The following ODR4 variants were observed in gnomAD, a reference collection of about 807,000 sequenced individuals.
ODR4 encodes the protein odr-4 GPCR localization factor homolog.
ODR4 carries 47 observed loss-of-function variants against 60.2 expected under a neutral mutation model. The ratio of observed to expected loss-of-function variants is 0.78; its 90% CI spans 0.62 to 1.00. The LOEUF (loss-of-function observed/expected upper bound fraction) is 1.00, where lower values mean the gene tolerates loss of function less well. Ranked by LOEUF, ODR4 falls within the 50% of genes least tolerant of loss-of-function variation. The pLI, the probability that ODR4 is intolerant of heterozygous loss-of-function variation, is 0.00. For missense variants in ODR4, 488 were observed against 530.8 expected, an observed-to-expected ratio of 0.92 and a Z score of 0.79; for synonymous variants, 178 against 175.5, an observed-to-expected ratio of 1.01 and a Z score of -0.11.
chr1:186,384,904 CTGAT>C (rs1285775449), intron 3 of ODR4, among the ~76,000 whole-genome samples: 1 of 152,046 alleles, frequency 6.6e-6, no homozygotes, highest in Non-Finnish European at 1.5e-5. Flanking sequence ...AGACTGTACT[CTGAT>C]TGATTGCTTG....
chr1:186,386,204 G>A (rs1356860635), intron 4 of ODR4, 121 bp downstream of exon 4: 3 of 544,722 alleles, frequency 5.5e-6, no homozygotes, highest in African/African-American at 2.0e-5. Context: ...TTTTTGTTGG[G>A]GTTACATTGA....
chr1:186,391,678 T>C lies in ODR4; in HGVS notation c.616-18T>C. The C allele has an allele frequency of 6.7e-7, 1 of 1,490,654 alleles. No individual in the cohort carries two copies. The highest frequency in any genetic ancestry group is 9.3e-7 in the Non-Finnish European group (1 of 1,077,652). 92.3% of individuals were successfully genotyped at this position (1,490,654 alleles called of 1,614,324 possible). On this transcript the variant is annotated intron_variant, in intron 7 of 13. Transcript: ENST00000287859. ...TGGCATTGTATCTGAAAGATTTCCATGTTGTGTTTCTGTTAAGAATGGACT... is the reference window on the plus strand; with the variant it reads ...TGGCATTGTATCTGAAAGATTTCCACGTTGTGTTTCTGTTAAGAATGGACT...
chr1:186,423,202 C>T (rs979643684), downstream of ODR4, among the ~76,000 whole-genome samples: 1 of 152,070 alleles, frequency 6.6e-6, no homozygotes, highest in Non-Finnish European at 1.5e-5. Flanking sequence ...TATACAAGCT[C>T]TTTCAAAAAT....
intron 12 of ODR4, among the ~76,000 whole-genome samples, chr1:186,413,335 G>A (rs1392700869): frequency 1.3e-5 from 2 of 152,002 alleles, no homozygotes; most frequent in Non-Finnish European, 2.9e-5. Flanking sequence ...TGATTTACCT[G>A]ATTATTACTT....
intron 12 of ODR4, chr1:186,411,743 T>TA (rs1449163596): frequency 3.2e-6 from 1 of 309,338 alleles, no homozygotes; most frequent in Admixed American, 6.5e-5. Flanking sequence ...TATTAAAACT[T>TA]AGTTATATGT....
chr1:186,418,394 C>T (rs1267558380), intron 13 of ODR4, among the ~76,000 whole-genome samples: 3 of 151,430 alleles, frequency 2.0e-5, no homozygotes, highest in African/African-American at 7.3e-5. Flanking sequence ...GGGTTCACGC[C>T]ATTCTCCTGC....
At chr1:186,393,772 A>G (rs771283854) in intron 8 of ODR4, among the ~76,000 whole-genome samples, 175 bp from the exon 9 acceptor site, 3 of 152,262 alleles carry the variant, frequency 2.0e-5, no homozygotes, top group Non-Finnish European at 4.4e-5. Flanking sequence ...ATTGTTTTAA[A>G]GAGTGTACAT....
At chr1:186,417,879 A>G (rs1431151487) in intron 13 of ODR4, among the ~76,000 whole-genome samples, 1 of 152,174 alleles carries the variant, frequency 6.6e-6, no homozygotes, top group Middle Eastern at 3.2e-3. Context: ...AATTTTTAAA[A>G]CGTTCTTAAA....
chr1:186,423,491 GTCACCCA>G (rs1661833675), downstream of ODR4, among the ~76,000 whole-genome samples: 2 of 112,056 alleles, frequency 1.8e-5, no homozygotes, highest in Non-Finnish European at 3.3e-5. Flanking sequence ...GTCTCGCTCT[GTCACCCA>G]GGTTGGAGTG....
intron 2 of ODR4, among the ~76,000 whole-genome samples, chr1:186,382,392 TC>T (rs1180656651): frequency 4.0e-5 from 6 of 151,474 alleles, no homozygotes; most frequent in Non-Finnish European, 7.4e-5. Flanking sequence ...ACCACTGCAC[TC>T]CAGCCTGGGC....
chr1:186,391,701 A>T lies in ODR4; in HGVS notation c.621A>T (p.Gly207=). ...CATGTTGTGTTTCTGTTAAGAATGG[A>T]CTTACACGCTGGGCCAAGGAAATAG... ...SYTLEKNTKN[G]LTRWAKEIEN... The change falls in exon 8 of 14, where the codon GGA becomes GGT. Residue 207 remains glycine (G), a synonymous_variant. Transcript: ENST00000287859. 1 of 1,590,370 alleles carries T rather than the reference A, an allele frequency of 6.3e-7. No individual in the cohort carries two copies. The highest frequency in any genetic ancestry group is 8.6e-7 in the Non-Finnish European group (1 of 1,164,354).
At position 186,403,506 on chromosome 1, in the gene ODR4, T is replaced by A. The variant is rs548740408; in HGVS notation, c.1001-2577T>A. Among the ~76,000 whole-genome samples the A allele has an allele frequency of 9.9e-5, 15 of 152,224 alleles. No individual in the cohort carries two copies. The East Asian group carries it at 1.7e-3, about 18-fold the overall frequency. ...TTATAGATGCTGTAATATAGTAAAA[T>A]GTAGAATGTATGCCATAAAATTAAC... On this transcript the variant is annotated intron_variant, in intron 11 of 13. Transcript: ENST00000287859.
chr1:186,425,259 A>C (rs1181034532), downstream of ODR4, among the ~76,000 whole-genome samples: 2 of 152,212 alleles, frequency 1.3e-5, no homozygotes, highest in Non-Finnish European at 2.9e-5. Context: ...GTGAAACTAA[A>C]GACAAGTTTT....
chr1:186,403,280 GTA>G (rs959066477), intron 11 of ODR4, among the ~76,000 whole-genome samples: 1 of 150,882 alleles, frequency 6.6e-6, no homozygotes, highest in African/African-American at 2.4e-5. Context: ...TACATAGTAG[GTA>G]TATATATATA....
chr1:186,432,511 T>G, the ODR4 span, among the ~76,000 whole-genome samples: 416 of 152,288 alleles, frequency 2.7e-3, no homozygotes, highest in Non-Finnish European at 3.3e-3. Flanking sequence ...TGTGTTTTTT[T>G]GGGGGGTAAT....
At position 186,382,966 on chromosome 1, in the gene ODR4, A is replaced by G. The variant is rs1456602038; in HGVS notation, c.100-56A>G. The G allele has an allele frequency of 2.6e-5, 39 of 1,522,058 alleles. No individual in the cohort carries two copies. The East Asian group carries it at 8.1e-4, about 32-fold the overall frequency. The allele number at this position is 1,522,058 out of a possible 1,614,324, so 94.3% of individuals were successfully genotyped here. A position where few individuals can be genotyped will look rare whatever the true frequency, so the allele number is the denominator to read the frequency against. On this transcript the variant is annotated intron_variant, in intron 2 of 13. Transcript: ENST00000287859. ...AGCTAAGGAATTTAGGTATCACTCT[A>G]ATTAGATTGAGGAATCAGATATCAC...
chr1:186,386,945 T>G (rs1290242121), intron 4 of ODR4, among the ~76,000 whole-genome samples: 1 of 152,168 alleles, frequency 6.6e-6, no homozygotes, highest in African/African-American at 2.4e-5. Flanking sequence ...ACATGCTGTT[T>G]TCCCTTAAAC....
At chr1:186,377,006 G>A (rs954586915) in intron 1 of ODR4, among the ~76,000 whole-genome samples, 2 of 152,052 alleles carry the variant, frequency 1.3e-5, no homozygotes, top group African/African-American at 4.8e-5. Context: ...GTTGTCCCTT[G>A]GTATCCGTGG....
chr1:186,430,712 T>C, the ODR4 span, among the ~76,000 whole-genome samples: 1 of 152,152 alleles, frequency 6.6e-6, no homozygotes, highest in Non-Finnish European at 1.5e-5. Context: ...TTCCTAGATC[T>C]GCCAAAAGAA....
Sources: allele counts gnomAD v4.1 joint callset (sites outside exome capture counted in the v4.1 genomes callset), GRCh38; gene constraint gnomAD v4.1.1; transcripts MANE v1.5; gene names NCBI Gene and HGNC (gene_info 2026-07-23, HGNC 2026-07-21).